Variants in CD109 observed in about 807,000 individuals in gnomAD.
The protein encoded by CD109 is CD109 antigen.
In CD109, 149 loss-of-function variants were observed where a neutral mutation model predicts 165.8. The ratio of observed to expected loss-of-function variants is 0.90; its 90% confidence interval spans 0.79 to 1.03. The LOEUF is 1.03. Ranked by LOEUF, CD109 falls within the 50% of genes least tolerant of loss-of-function variation. The pLI, the probability that CD109 is intolerant of heterozygous loss-of-function variation, is 0.00. For synonymous variants in CD109, 585 were observed against 592.1 expected, an observed-to-expected ratio of 0.99 and a Z score of 0.18; for missense variants, 1,712 against 1,677.8, an observed-to-expected ratio of 1.02 and a Z score of -0.36.
At chr6:73,679,770 G>T in the CD109 span, among the ~76,000 whole-genome samples, 1 of 152,072 alleles carries the variant, frequency 6.6e-6, no homozygotes, top group Non-Finnish European at 1.5e-5. Flanking sequence ...GAGTAGCTGG[G>T]ATTATAGGCA....
intron 2 of CD109, among the ~76,000 whole-genome samples, chr6:73,707,841 A>C (rs1050844282): frequency 6.6e-6 from 1 of 151,704 alleles, no homozygotes; most frequent in Non-Finnish European, 1.5e-5. Context: ...TATGTTATTA[A>C]AAGTAATGTC....
In CD109 at chr6:73,697,492, T is replaced by G. The variant is rs759198979; in HGVS notation, c.167T>G (p.Val56Gly). The change falls in exon 2 of 33, where the codon GTG (valine) becomes GGG (glycine). Residue 56 changes from valine to glycine, a missense_variant. Coordinates refer to ENST00000287097, the MANE Select transcript of CD109 (RefSeq NM_133493.5). ...CTTCTGGAACACTGCCCTTCACAGG[T>G]GACTGTGAAGGCGGAGCTGCTCAAG... Reference protein sequence around the residue: ...VELLEHCPSQVTVKAELLKTA... With the variant: ...VELLEHCPSQGTVKAELLKTA... The G allele has an allele frequency of 6.2e-7, 1 of 1,612,142 alleles. No individual in the cohort carries two copies. The highest frequency in any genetic ancestry group is 1.1e-5 in the South Asian group (1 of 91,040).
At chr6:73,763,719 G>C (rs1487907224) in intron 10 of CD109, 34 bp downstream of exon 10, 1 of 1,090,650 alleles carries the variant, frequency 9.2e-7, no homozygotes, top group Non-Finnish European at 1.3e-6. Context: ...GTCCATAGCA[G>C]TAAGTTCAGC....
intron 22 of CD109, 101 bp downstream of exon 22, chr6:73,788,713 A>G (rs1774797282): frequency 1.0e-6 from 1 of 982,234 alleles, no homozygotes; most frequent in East Asian, 3.0e-5. Flanking sequence ...TCCTAATAAG[A>G]AGAGATGGCA....
chr6:73,750,347 A>G (rs1773142854), intron 5 of CD109, among the ~76,000 whole-genome samples: 1 of 152,226 alleles, frequency 6.6e-6, no homozygotes, highest in African/African-American at 2.4e-5. Flanking sequence ...GAAGCCATCC[A>G]AAGCAATAGA....
At chr6:73,817,922 AG>A (rs1325856898) in intron 30 of CD109, among the ~76,000 whole-genome samples, 1 of 152,224 alleles carries the variant, frequency 6.6e-6, no homozygotes. Flanking sequence ...GACGAATAAA[AG>A]GTTGCTAAGA....
Position 73,806,549 on chromosome 6 carries a change from T to C in CD109, c.2961-295T>C, listed in dbSNP as rs559882875. ...AATAAAATAAAATTAAATTAAAAAA[T>C]GGAGCTGGATTAGATCATTTCTAAA... On this transcript the variant is annotated intron_variant, in intron 24 of 32. Coordinates refer to ENST00000287097, the MANE Select transcript of CD109 (RefSeq NM_133493.5). Among the ~76,000 whole-genome samples, 21 of 152,250 alleles carry C rather than the reference T, an allele frequency of 1.4e-4. No individual in the cohort carries two copies. The South Asian group carries it at 3.9e-3, about 29-fold the overall frequency.
chr6:73,699,849 A>C lies in CD109; in HGVS notation c.247+2277A>C, dbSNP rs80196574. On this transcript the variant is annotated intron_variant, in intron 2 of 32. Transcript: ENST00000287097. ...AAGGAGAATGTTACTGTATTATCAG[A>C]GGCTGGGAGTTATTGTTCTCAGAGC... 4.6e-3 allele frequency among the ~76,000 whole-genome samples: 706 copies of C among 152,326 alleles called. 3 individuals carry two copies. The highest frequency in any genetic ancestry group is 0.01 in the African/African-American group (426 of 41,578).
chr6:73,711,776 A>G lies in CD109; in HGVS notation c.248-11475A>G, dbSNP rs1184764167. On this transcript the variant is annotated intron_variant, in intron 2 of 32. Transcript: ENST00000287097. ...ATGGTCTCGATCTCTTGACCTCGTG[A>G]TCCGCCCGCCTCGGCCTCCCAAAGT... 1.3e-3 allele frequency among the ~76,000 whole-genome samples: 9 copies of G among 6,752 alleles called. 3 individuals are homozygous for G. Among genetic ancestry groups the G allele is most frequent in the African/African-American group, 2.6e-3 (9 of 3,516 alleles). The allele number at this position is 6,752 out of a possible 152,430, so 4.4% of individuals were successfully genotyped here.
At chr6:73,817,113 T>G (rs753813538) in intron 30 of CD109, among the ~76,000 whole-genome samples, 8 of 152,216 alleles carry the variant, frequency 5.3e-5, no homozygotes, top group Non-Finnish European at 1.2e-4. Context: ...AGCAGCACAT[T>G]ATAAAAAGAT....
At chr6:73,738,707 T>C in intron 5 of CD109, among the ~76,000 whole-genome samples, 1 of 152,214 alleles carries the variant, frequency 6.6e-6, no homozygotes, top group Non-Finnish European at 1.5e-5. Context: ...ATCTGGCCCT[T>C]GCCCAACTTT....
intron 30 of CD109, among the ~76,000 whole-genome samples, chr6:73,817,130 A>T (rs979525223): frequency 9.2e-5 from 14 of 152,202 alleles, no homozygotes; most frequent in Non-Finnish European, 1.8e-4. Flanking sequence ...AGATTACTTG[A>T]TATTTCAGAC....
In CD109 at chr6:73,766,102, C is replaced by A; in HGVS notation, c.1280C>A (p.Thr427Asn). ...AATTATACTGTCCCCCAAAGTGGAA[C>A]TTTTAAGATTGAATTCCCAATCCTG... ...KINYTVPQSG[T>N]FKIEFPILED... Residue 427 changes from threonine to asparagine, a missense_variant, in exon 11 of 33, where the codon ACT becomes AAT. Coordinates refer to ENST00000287097, the MANE Select transcript of CD109 (RefSeq NM_133493.5). 1 of 1,614,074 alleles carries A rather than the reference C, an allele frequency of 6.2e-7. No homozygotes were observed. Among genetic ancestry groups the A allele is most frequent in the Non-Finnish European group, 8.5e-7 (1 of 1,179,972 alleles).
In CD109 at chr6:73,788,552, A is replaced by G; in HGVS notation, c.2641A>G (p.Ser881Gly). The change falls in exon 22 of 33, where the codon AGT (serine) becomes GGT (glycine). Residue 881 changes from serine (S) to glycine (G), a missense_variant. Physicochemically the swap from Ser to Gly is moderately conservative, Grantham distance 56. Coordinates refer to ENST00000287097, the MANE Select transcript of CD109 (RefSeq NM_133493.5). ...NRLQSTLKTL[S>G]FSFPPNTVTG... ...GCTACAGAGTACCCTGAAAACTTTGAGTTTCTCATTTCCTCCTAATACAGT... is the reference window on the plus strand; with the variant it reads ...GCTACAGAGTACCCTGAAAACTTTGGGTTTCTCATTTCCTCCTAATACAGT... 1 of 1,613,538 alleles carries G rather than the reference A, an allele frequency of 6.2e-7. No individual in the cohort carries two copies. The highest frequency in any genetic ancestry group is 8.5e-7 in the Non-Finnish European group (1 of 1,179,720).
At chr6:73,769,015 G>A (rs1322806031) in intron 14 of CD109, among the ~76,000 whole-genome samples, 1 of 151,916 alleles carries the variant, frequency 6.6e-6, no homozygotes, top group Non-Finnish European at 1.5e-5. Context: ...TTTAAAATTT[G>A]TATTTATTTA....
chr6:73,724,760 T>G (rs1772074224), intron 3 of CD109, among the ~76,000 whole-genome samples: 1 of 151,968 alleles, frequency 6.6e-6, no homozygotes, highest in Admixed American at 6.6e-5. Flanking sequence ...TGTGCCACCA[T>G]GCCTGGCTGA....
intron 24 of CD109, among the ~76,000 whole-genome samples, chr6:73,805,739 G>A (rs1775538450): frequency 6.6e-6 from 1 of 152,136 alleles, no homozygotes; most frequent in Non-Finnish European, 1.5e-5. Context: ...AGGGAGTGGT[G>A]ATGACTCTTA....
At chr6:73,807,304 G>A (rs756697871) in intron 25 of CD109, among the ~76,000 whole-genome samples, 1 of 152,100 alleles carries the variant, frequency 6.6e-6, no homozygotes, top group Non-Finnish European at 1.5e-5. Flanking sequence ...GCTTTTTAAT[G>A]TATGTATTGT....
At position 73,706,615 on chromosome 6, in the gene CD109, A is replaced by G. The variant is rs151127257; in HGVS notation, c.247+9043A>G. ...CTCTTCACTTACCTCGGAGAATTCT[A>G]TGAGGAGACTTTCTTCCGTTGCAAG... On this transcript the variant is annotated intron_variant, in intron 2 of 32. Transcript: ENST00000287097. Among the ~76,000 whole-genome samples the G allele has an allele frequency of 5.3e-5, 8 of 152,240 alleles. No homozygotes were observed. The East Asian group carries it at 7.7e-4, about 15-fold the overall frequency.
Sources: gnomAD v4.1 joint callset for allele counts (sites outside exome capture counted in the v4.1 genomes callset) on GRCh38, gnomAD v4.1.1 for gene constraint, MANE v1.5 for transcripts, NCBI Gene and HGNC (gene_info 2026-07-23, HGNC 2026-07-21) for gene names.